Variants in THSD4 observed in about 807,000 individuals in gnomAD.
The protein encoded by THSD4 is thrombospondin type-1 domain-containing protein 4.
In THSD4, 69 loss-of-function variants were observed where a neutral mutation model predicts 119.0. The observed-to-expected ratio is 0.58, with a 90% confidence interval of 0.48 to 0.71. The LOEUF is 0.71. Ranked by LOEUF, THSD4 falls within the 30% of genes least tolerant of loss-of-function variation. THSD4 has a pLI of 0.00. For synonymous variants in THSD4, 524 were observed against 540.4 expected, an observed-to-expected ratio of 0.97 and a Z score of 0.42; for missense variants, 1,393 against 1,391.1, an observed-to-expected ratio of 1.00 and a Z score of -0.02.
At chr15:71,713,261 C>T (rs2052549310) in intron 8 of THSD4, among the ~76,000 whole-genome samples, 1 of 152,198 alleles carries the variant, frequency 6.6e-6, no homozygotes, top group Non-Finnish European at 1.5e-5. Context: ...TCCCCCTGTT[C>T]CAGGGCTGTG....
At chr15:71,655,724 C>T (rs981643642) in intron 7 of THSD4, among the ~76,000 whole-genome samples, 15 of 152,204 alleles carry the variant, frequency 9.9e-5, no homozygotes, top group African/African-American at 3.4e-4. Flanking sequence ...AGAGACAGCA[C>T]AAGAACGCAT....
chr15:71,229,090 C>T (rs2044040867), intron 4 of THSD4, among the ~76,000 whole-genome samples: 1 of 152,214 alleles, frequency 6.6e-6, no homozygotes, highest in Non-Finnish European at 1.5e-5. Flanking sequence ...AAAAGCTGTA[C>T]TGTGTTGCAG....
chr15:71,727,589 C>T (rs1414209120), intron 8 of THSD4, among the ~76,000 whole-genome samples: 446 of 9,612 alleles, frequency 0.046, 4 homozygotes, highest in African/African-American at 0.096. Flanking sequence ...TATATATATA[C>T]ACACACACAC....
At chr15:71,128,385 G>A (rs2040472970) in intron 1 of THSD4, among the ~76,000 whole-genome samples, 1 of 151,948 alleles carries the variant, frequency 6.6e-6, no homozygotes, top group African/African-American at 2.4e-5. Flanking sequence ...AAATCAGCTG[G>A]GCATAGTGGC....
chr15:71,643,377 G>T (rs1034082729), intron 7 of THSD4, among the ~76,000 whole-genome samples: 1 of 152,108 alleles, frequency 6.6e-6, no homozygotes, highest in Admixed American at 6.6e-5. Context: ...TCATGTCACA[G>T]GGGCTTGTTG....
chr15:71,364,582 G>A (rs943716948), intron 6 of THSD4, among the ~76,000 whole-genome samples: 9 of 152,196 alleles, frequency 5.9e-5, no homozygotes, highest in Non-Finnish European at 1.3e-4. Flanking sequence ...TCCCCTTAGG[G>A]GTTCAAGAGG....
At chr15:71,657,769 T>G (rs2051219967) in intron 7 of THSD4, among the ~76,000 whole-genome samples, 1 of 152,176 alleles carries the variant, frequency 6.6e-6, no homozygotes. Context: ...CTTGCAGCCT[T>G]TCCTTCCCAT....
intron 6 of THSD4, among the ~76,000 whole-genome samples, chr15:71,367,749 G>T (rs1233167257): frequency 6.6e-6 from 1 of 152,112 alleles, no homozygotes. Flanking sequence ...AACATATGTG[G>T]GCATGTGTCT....
At chr15:71,104,431 G>C (rs1044006683) in intron 1 of THSD4, among the ~76,000 whole-genome samples, 3 of 152,126 alleles carry the variant, frequency 2.0e-5, no homozygotes, top group Non-Finnish European at 4.4e-5. Context: ...ATTCGATTTT[G>C]ACACTGTCTA....
chr15:71,242,511 C>G (rs2044161465), intron 4 of THSD4, 138 bp from the exon 5 acceptor site: 8 of 897,480 alleles, frequency 8.9e-6, no homozygotes, highest in Non-Finnish European at 1.4e-5. Flanking sequence ...TGCGTTCCCC[C>G]TGCTTCCCAG....
intron 6 of THSD4, among the ~76,000 whole-genome samples, chr15:71,375,763 C>A (rs1349973084): frequency 6.6e-6 from 1 of 152,162 alleles, no homozygotes; most frequent in Admixed American, 6.5e-5. Context: ...CACCTGGGAA[C>A]TTGTTAGGAA....
intron 1 of THSD4, among the ~76,000 whole-genome samples, chr15:71,105,441 C>G (rs1199493082): frequency 1.3e-5 from 2 of 152,202 alleles, no homozygotes; most frequent in East Asian, 3.9e-4. Context: ...CATCCCATTC[C>G]TGGAGGTCAG....
intron 13 of THSD4, among the ~76,000 whole-genome samples, chr15:71,747,609 A>C (rs2053364764): frequency 6.6e-6 from 1 of 152,160 alleles, no homozygotes; most frequent in Non-Finnish European, 1.5e-5. Flanking sequence ...TTTTCATTGG[A>C]GGGTACAGCA....
intron 3 of THSD4, among the ~76,000 whole-genome samples, chr15:71,172,443 T>C (rs1596241083): frequency 6.6e-6 from 1 of 151,918 alleles, no homozygotes; most frequent in East Asian, 1.9e-4. Context: ...TTAACACAAT[T>C]CCAATAAAAT....
intron 7 of THSD4, among the ~76,000 whole-genome samples, chr15:71,414,024 G>A (rs1028373737): frequency 6.6e-6 from 1 of 152,228 alleles, no homozygotes; most frequent in East Asian, 1.9e-4. Flanking sequence ...GAGGAATGGT[G>A]AATGTAATGG....
In THSD4 at chr15:71,728,717, A is replaced by C; in HGVS notation, c.1526A>C (p.Asp509Ala). 1 of 1,614,064 alleles carries C rather than the reference A, an allele frequency of 6.2e-7. No individual in the cohort carries two copies. Among genetic ancestry groups the C allele is most frequent in the Non-Finnish European group, 8.5e-7 (1 of 1,180,026 alleles). Residue 509 changes from aspartate (D) to alanine (A), a missense_variant, in exon 9 of 18, where the codon GAT (aspartate) becomes GCT (alanine). Transcript: ENST00000261862. Reference sequence around the variant, plus strand: ...GAAGGTCCCACCAACGAGATCTTGGATGTCTACGTGAGTTTGGATGTTTCT... The same window carrying C: ...GAAGGTCCCACCAACGAGATCTTGGCTGTCTACGTGAGTTTGGATGTTTCT... Reference protein sequence around the residue: ...LAEGPTNEILDVYMIHQQPNP... With the variant: ...LAEGPTNEILAVYMIHQQPNP...
At chr15:71,650,782 C>T (rs1331238841) in intron 7 of THSD4, among the ~76,000 whole-genome samples, 5 of 152,194 alleles carry the variant, frequency 3.3e-5, no homozygotes, top group African/African-American at 1.2e-4. Context: ...CCATTTTAGG[C>T]CTCAGCCCGC....
At chr15:71,748,664 G>A in intron 14 of THSD4, 70 bp downstream of exon 14, 1 of 1,556,434 alleles carries the variant, frequency 6.4e-7, no homozygotes, top group Non-Finnish European at 8.7e-7. Context: ...ACACAAAGAT[G>A]AGTCACTAGC....
intron 2 of THSD4, among the ~76,000 whole-genome samples, chr15:71,150,320 C>T (rs896760433): frequency 2.0e-5 from 3 of 152,202 alleles, no homozygotes; most frequent in Admixed American, 1.3e-4. Context: ...GTGGGCACAG[C>T]TACAGATACC....
Sources: gnomAD v4.1 joint callset for allele counts (sites outside exome capture counted in the v4.1 genomes callset) on GRCh38, gnomAD v4.1.1 for gene constraint, MANE v1.5 for transcripts, NCBI Gene and HGNC (gene_info 2026-07-23, HGNC 2026-07-21) for gene names.